Variants in STK3 observed in about 807,000 individuals in gnomAD.
STK3 encodes the protein serine/threonine kinase 3.
In STK3, 41 loss-of-function variants were observed where a neutral mutation model predicts 58.0. The observed-to-expected ratio is 0.71, with a 90% confidence interval of 0.55 to 0.92. The LOEUF (loss-of-function observed/expected upper bound fraction) is 0.92. Ranked by LOEUF, STK3 falls within the 40% of genes least tolerant of loss-of-function variation. The pLI is 0.00. For synonymous variants in STK3, 170 were observed against 191.0 expected (o/e 0.89, Z 0.91); for missense variants, 479 against 602.7 (o/e 0.79, Z 2.15).
intron 10 of STK3, among the ~76,000 whole-genome samples, chr8:98,464,975 T>C (rs1175283864): frequency 6.6e-6 from 1 of 152,190 alleles, no homozygotes; most frequent in Non-Finnish European, 1.5e-5. Context: ...CATTCTGTTT[T>C]GGCTGTTTAA....
intron 6 of STK3, among the ~76,000 whole-genome samples, chr8:98,665,767 G>A (rs1346612342): frequency 2.7e-5 from 4 of 150,594 alleles, no homozygotes; most frequent in East Asian, 3.9e-4. Flanking sequence ...GCAGTAGCGC[G>A]ATCTCGGCTC....
chr8:98,850,523 G>A (rs1268286621), intron 3 of STK3, among the ~76,000 whole-genome samples: 1 of 152,198 alleles, frequency 6.6e-6, no homozygotes, highest in African/African-American at 2.4e-5. Flanking sequence ...ACCCAGCTTG[G>A]GGGTAGTCAG....
chr8:98,843,419 A>C (rs1836072231), intron 3 of STK3, among the ~76,000 whole-genome samples: 1 of 152,122 alleles, frequency 6.6e-6, no homozygotes, highest in Non-Finnish European at 1.5e-5. Flanking sequence ...TTGTTTATTC[A>C]CTTGTTTTAT....
chr8:98,793,483 G>A (rs1485905522), intron 1 of STK3, among the ~76,000 whole-genome samples: 2 of 152,130 alleles, frequency 1.3e-5, no homozygotes, highest in African/African-American at 2.4e-5. Flanking sequence ...AGCCGAAATT[G>A]TACCACTGCA....
At chr8:98,713,828 A>G (rs1189785426) in intron 4 of STK3, among the ~76,000 whole-genome samples, 1 of 152,196 alleles carries the variant, frequency 6.6e-6, no homozygotes, top group African/African-American at 2.4e-5. Flanking sequence ...CAACAAAAAA[A>G]AAAGAGAATT....
chr8:98,386,226 C>A (rs1817790262), intron 1 of STK3, among the ~76,000 whole-genome samples: 1 of 152,070 alleles, frequency 6.6e-6, no homozygotes, highest in African/African-American at 2.4e-5. Flanking sequence ...AGAATCTATA[C>A]CAAAGAAATA....
At chr8:98,506,572 G>A (rs1204613682) in intron 10 of STK3, among the ~76,000 whole-genome samples, 2 of 152,156 alleles carry the variant, frequency 1.3e-5, no homozygotes, top group Non-Finnish European at 2.9e-5. Context: ...TTAGCCAGGT[G>A]AAGTGGCAGA....
At chr8:98,881,617 G>C (rs1356741648), downstream of STK3, 1 of 152,072 alleles carries the variant, frequency 6.6e-6, no homozygotes, top group Non-Finnish European at 1.5e-5. Flanking sequence ...ATGTTGGGAG[G>C]GGGAGAAACA....
chr8:98,851,329 G>A (rs1465828032), intron 3 of STK3, among the ~76,000 whole-genome samples: 1 of 152,150 alleles, frequency 6.6e-6, no homozygotes, highest in African/African-American at 2.4e-5. Context: ...GCAATGTGCG[G>A]AAGTTCCTCG....
At chr8:98,767,152 T>C (rs1831001960) in intron 3 of STK3, 91 bp downstream of exon 3, 1 of 1,380,446 alleles carries the variant, frequency 7.2e-7, no homozygotes, top group Non-Finnish European at 9.6e-7. Flanking sequence ...AAATGAAAAC[T>C]AAACAGATGA....
intron 9 of STK3, among the ~76,000 whole-genome samples, chr8:98,540,596 G>A (rs753610765): frequency 1.3e-5 from 2 of 152,154 alleles, no homozygotes; most frequent in African/African-American, 4.8e-5. Flanking sequence ...GCTGGAGGCC[G>A]AGGTCCTGTA....
Position 98,905,685 on chromosome 8 carries a change from C to T in STK3, c.-78-21851G>A, listed in dbSNP as rs1838870021. On this transcript the variant is annotated intron_variant, in intron 1 of 1. Transcript: ENST00000519420. ...AGCTTCATCATCCGGACAAGCACCT[C>T]TGGGTGGCAGCGGCGGAGGTAGCTC... 7.1e-6 allele frequency: 5 copies of T among 705,734 alleles called. No individual in the cohort carries two copies. In the East Asian group the frequency reaches 1.4e-4, roughly 20 times the overall value. The allele number at this position is 705,734 out of a possible 1,614,324, so 43.7% of individuals were successfully genotyped here.
intron 6 of STK3, among the ~76,000 whole-genome samples, chr8:98,688,255 C>T (rs1169755901): frequency 6.6e-6 from 1 of 152,104 alleles, no homozygotes; most frequent in African/African-American, 2.4e-5. Context: ...AACACTGGAG[C>T]ACCCAGATTT....
In STK3 at chr8:98,749,304, G is replaced by C; in HGVS notation, c.323C>G (p.Ser108Ter). 6.2e-7 allele frequency: 1 copy of C among 1,608,442 alleles called. No homozygotes were observed. Among genetic ancestry groups the C allele is most frequent in the Non-Finnish European group, 8.5e-7 (1 of 1,176,698 alleles). Reference protein sequence around the residue: ...VMEYCGAGSVSDIIRLRNKTL... With the variant: ...VMEYCGAGSV ...CTTGTTTCGTAATCTAATTATGTCT[G>C]AGACAGAGCCAGCGCCACAGTACTC... Residue 108 changes from serine (S) to a stop codon, truncating the protein, a stop_gained, in exon 4 of 11, where the codon TCA (serine) becomes TGA (stop). Coordinates refer to ENST00000419617, the MANE Select transcript of STK3 (RefSeq NM_006281.4). LOFTEE classifies it high-confidence loss of function.
chr8:98,461,675 T>C (rs908099433), intron 10 of STK3, among the ~76,000 whole-genome samples: 8 of 152,232 alleles, frequency 5.3e-5, no homozygotes, highest in African/African-American at 1.9e-4. Flanking sequence ...GTAGGGATGC[T>C]CTGGTAGTGA....
intron 6 of STK3, among the ~76,000 whole-genome samples, chr8:98,698,859 G>A (rs372457558): frequency 2.8e-4 from 43 of 151,282 alleles, no homozygotes; most frequent in African/African-American, 8.5e-4. Context: ...TGCTCTTCTC[G>A]AGGAGTATCT....
chr8:98,751,472 G>A (rs1563962840), intron 3 of STK3, among the ~76,000 whole-genome samples: 1 of 152,116 alleles, frequency 6.6e-6, no homozygotes. Flanking sequence ...CAGTCAAGCC[G>A]AGAGCCAAAT....
intron 1 of STK3, among the ~76,000 whole-genome samples, chr8:98,887,977 G>A (rs1300894591): frequency 6.6e-6 from 1 of 152,176 alleles, no homozygotes; most frequent in East Asian, 1.9e-4. Context: ...CATGCTGGGG[G>A]GAAGCAGAGG....
chr8:98,860,794 C>A (rs977527192), intron 3 of STK3, among the ~76,000 whole-genome samples: 4 of 152,102 alleles, frequency 2.6e-5, no homozygotes, highest in South Asian at 2.1e-4. Flanking sequence ...GTGGCTCATG[C>A]CTGTCATCCC....
Sources: gnomAD v4.1 joint callset for allele counts (sites outside exome capture counted in the v4.1 genomes callset) on GRCh38, gnomAD v4.1.1 for gene constraint, MANE v1.5 for transcripts, NCBI Gene and HGNC (gene_info 2026-07-23, HGNC 2026-07-21) for gene names.